The following WDFY2 variants were observed in gnomAD, a reference collection of about 807,000 sequenced individuals.
The protein encoded by WDFY2 is WD repeat and FYVE domain-containing protein 2.
In WDFY2, 36 loss-of-function variants were observed where a neutral mutation model predicts 56.4. The observed-to-expected ratio is 0.64, with a 90% CI of 0.49 to 0.84. The LOEUF (loss-of-function observed/expected upper bound fraction) is 0.84, where lower values mean the gene tolerates loss of function less well. Ranked by LOEUF, WDFY2 falls within the 40% of genes least tolerant of loss-of-function variation. The pLI is 0.00. For synonymous variants in WDFY2, 176 were observed against 183.7 expected (o/e 0.96, Z 0.34); for missense variants, 444 against 512.2 (o/e 0.87, Z 1.29).
At chr13:51,742,538 T>C (rs576716658) in intron 7 of WDFY2, among the ~76,000 whole-genome samples, 149 of 152,338 alleles carry the variant, frequency 9.8e-4, no homozygotes, top group Non-Finnish European at 1.7e-3. Context: ...ACACTTATTG[T>C]CCCATGCCTA....
At chr13:51,721,789 C>T (rs1353164094) in intron 5 of WDFY2, among the ~76,000 whole-genome samples, 2 of 152,018 alleles carry the variant, frequency 1.3e-5, no homozygotes, top group Non-Finnish European at 2.9e-5. Flanking sequence ...AGTATTTTTC[C>T]ATTGCTAAAC....
chr13:51,746,764 A>G (rs1166309238), intron 7 of WDFY2, among the ~76,000 whole-genome samples: 5 of 152,248 alleles, frequency 3.3e-5, no homozygotes, highest in African/African-American at 1.2e-4. Flanking sequence ...GAGAAAAGGC[A>G]TCCTCATATA....
At chr13:51,637,263 AAG>A (rs1955071834) in intron 1 of WDFY2, among the ~76,000 whole-genome samples, 1 of 152,216 alleles carries the variant, frequency 6.6e-6, no homozygotes, top group South Asian at 2.1e-4. Context: ...ATTTTTAAAA[AAG>A]GGGATGGGGC....
intron 2 of WDFY2, among the ~76,000 whole-genome samples, chr13:51,664,940 T>A (rs1025325318): frequency 2.6e-5 from 4 of 152,274 alleles, no homozygotes; most frequent in African/African-American, 9.6e-5. Flanking sequence ...CATCTAACAT[T>A]GTACGATGTA....
intron 8 of WDFY2, among the ~76,000 whole-genome samples, chr13:51,754,082 G>A (rs952889950): frequency 2.1e-5 from 3 of 142,240 alleles, no homozygotes; most frequent in African/African-American, 8.1e-5. Flanking sequence ...AACACAGCAA[G>A]GCTGTCTCAA....
chr13:51,758,963 C>T (rs1050558273), intron 11 of WDFY2, among the ~76,000 whole-genome samples: 1 of 152,174 alleles, frequency 6.6e-6, no homozygotes, highest in Admixed American at 6.5e-5. Flanking sequence ...CGGAGGATCA[C>T]TTGACCCCAG....
chr13:51,669,205 A>T (rs965795612), intron 2 of WDFY2, among the ~76,000 whole-genome samples: 9 of 152,224 alleles, frequency 5.9e-5, no homozygotes, highest in Non-Finnish European at 1.0e-4. Context: ...CATTAATTTA[A>T]TCGCCCATAC....
chr13:51,759,459 T>G (rs1014027330), intron 11 of WDFY2, among the ~76,000 whole-genome samples: 1 of 152,256 alleles, frequency 6.6e-6, no homozygotes, highest in African/African-American at 2.4e-5. Context: ...CAGGAGGATC[T>G]GCAGTGTAGC....
chr13:51,593,941 G>A (rs970295388), intron 1 of WDFY2: 6 of 152,196 alleles, frequency 3.9e-5, no homozygotes, highest in Non-Finnish European at 8.8e-5. Context: ...TCACCACGTT[G>A]TTCTGGCTGC....
intron 1 of WDFY2, among the ~76,000 whole-genome samples, chr13:51,647,603 A>T (rs564779911): frequency 8.5e-4 from 130 of 152,114 alleles, no homozygotes; most frequent in Non-Finnish European, 1.3e-3. Context: ...AAAATTTTTT[A>T]AAAAATTAGC....
At chr13:51,692,095 T>G (rs1474049316) in intron 3 of WDFY2, among the ~76,000 whole-genome samples, 1 of 152,206 alleles carries the variant, frequency 6.6e-6, no homozygotes, top group African/African-American at 2.4e-5. Flanking sequence ...GATTTGGGGC[T>G]GAGACAATGG....
At chr13:51,654,809 G>A (rs1440515747) in intron 1 of WDFY2, among the ~76,000 whole-genome samples, 2 of 151,588 alleles carry the variant, frequency 1.3e-5, no homozygotes, top group African/African-American at 4.8e-5. Context: ...AGCTGCTTTT[G>A]TACCTCAGGA....
chr13:51,702,176 G>C (rs1951999028), intron 3 of WDFY2, among the ~76,000 whole-genome samples: 1 of 152,080 alleles, frequency 6.6e-6, no homozygotes, highest in Non-Finnish European at 1.5e-5. Flanking sequence ...GCTGCACATG[G>C]TGGCATGCAC....
chr13:51,712,741 G>A (rs1233677253), intron 4 of WDFY2, among the ~76,000 whole-genome samples: 7 of 149,576 alleles, frequency 4.7e-5, no homozygotes, highest in Admixed American at 3.3e-4. Context: ...AGAGTTAACA[G>A]GGAAAAAAAA....
intron 1 of WDFY2, among the ~76,000 whole-genome samples, chr13:51,644,724 G>T (rs1273508173): frequency 2.0e-5 from 3 of 152,084 alleles, no homozygotes; most frequent in Non-Finnish European, 4.4e-5. Flanking sequence ...GAAAAAAAAA[G>T]TCCAGGTGTA....
At chr13:51,690,603 C>T (rs1405853685) in intron 3 of WDFY2, among the ~76,000 whole-genome samples, 1 of 151,954 alleles carries the variant, frequency 6.6e-6, no homozygotes, top group Non-Finnish European at 1.5e-5. Context: ...CATTGTTGGA[C>T]ATTTGGGTTG....
chr13:51,593,745 C>T (rs1303929248), intron 1 of WDFY2, among the ~76,000 whole-genome samples: 3 of 151,914 alleles, frequency 2.0e-5, no homozygotes, highest in African/African-American at 7.3e-5. Context: ...TCTCTTGGTT[C>T]TTCTTAACAA....
chr13:51,707,975 G>T (rs531516121), intron 4 of WDFY2, among the ~76,000 whole-genome samples: 101 of 47,406 alleles, frequency 2.1e-3, no homozygotes, highest in South Asian at 4.9e-3. Context: ...TTTTTTTGGA[G>T]ACTGAGTCTT....
At chr13:51,672,076 A>G (rs969691378) in intron 2 of WDFY2, among the ~76,000 whole-genome samples, 1 of 152,086 alleles carries the variant, frequency 6.6e-6, no homozygotes, top group African/African-American at 2.4e-5. Context: ...GAGCCGCTGC[A>G]GCTGGCCTGC....
Sources: gnomAD v4.1 joint callset for allele counts (sites outside exome capture counted in the v4.1 genomes callset) on GRCh38, gnomAD v4.1.1 for gene constraint, MANE v1.5 for transcripts, NCBI Gene and HGNC (gene_info 2026-07-23, HGNC 2026-07-21) for gene names.